Variants in ISM1 observed in about 807,000 individuals in gnomAD.
The protein encoded by ISM1 is isthmin 1.
Under a neutral mutation model 46.3 loss-of-function variants are expected in ISM1, and 25 were observed. That is an observed-to-expected ratio of 0.54 (90% CI 0.39 to 0.75). The LOEUF (loss-of-function observed/expected upper bound fraction) is 0.75. Ranked by LOEUF, ISM1 falls within the 30% of genes least tolerant of loss-of-function variation. ISM1 has a pLI of 0.00. For synonymous variants in ISM1, 255 were observed against 256.7 expected (o/e 0.99, Z 0.06); for missense variants, 536 against 625.4 (o/e 0.86, Z 1.52).
At chr20:13,253,248 C>T (rs191560846) in intron 1 of ISM1, among the ~76,000 whole-genome samples, 1 of 152,250 alleles carries the variant, frequency 6.6e-6, no homozygotes, top group East Asian at 1.9e-4. Flanking sequence ...TCTTATGTCA[C>T]TTGCTCAGTG....
chr20:13,234,058 A>G (rs1568663239), intron 1 of ISM1, among the ~76,000 whole-genome samples: 1 of 152,022 alleles, frequency 6.6e-6, no homozygotes, highest in South Asian at 2.1e-4. Flanking sequence ...CTTTTAGTGT[A>G]CTCATCACCT....
At chr20:13,290,160 G>A (rs527402921) in intron 4 of ISM1, among the ~76,000 whole-genome samples, 7 of 152,254 alleles carry the variant, frequency 4.6e-5, no homozygotes, top group East Asian at 1.9e-4. Context: ...CAACCATTAC[G>A]GTGCTTTTCC....
At chr20:13,236,449 C>A (rs1414949159) in intron 1 of ISM1, among the ~76,000 whole-genome samples, 6 of 152,100 alleles carry the variant, frequency 3.9e-5, no homozygotes, top group Admixed American at 3.9e-4. Context: ...TGATTGGGGA[C>A]ACAACCAAGT....
downstream of ISM1, among the ~76,000 whole-genome samples, chr20:13,301,551 T>C (rs923213927): frequency 1.3e-5 from 2 of 152,194 alleles, no homozygotes; most frequent in Non-Finnish European, 2.9e-5. Flanking sequence ...AGAATATTTA[T>C]ATTTAAGATC....
chr20:13,302,085 A>G (rs549042839), downstream of ISM1, among the ~76,000 whole-genome samples: 129 of 152,334 alleles, frequency 8.5e-4, no homozygotes, highest in African/African-American at 3.1e-3. Context: ...GAGGAACAAG[A>G]GTGGCAAGTT....
chr20:13,252,663 G>C (rs565283410), intron 1 of ISM1, among the ~76,000 whole-genome samples: 1 of 152,228 alleles, frequency 6.6e-6, no homozygotes, highest in East Asian at 1.9e-4. Context: ...GCTGAGGCAG[G>C]AGAATCGCTT....
intron 1 of ISM1, among the ~76,000 whole-genome samples, chr20:13,256,395 C>CAAAAAA (rs559300861): frequency 4.2e-5 from 3 of 71,798 alleles, no homozygotes; most frequent in Non-Finnish European, 5.7e-5. Flanking sequence ...GACCCCGTCT[C>CAAAAAA]AAAAAAAAAA....
At chr20:13,298,745 G>C (rs1350674855) in intron 5 of ISM1, among the ~76,000 whole-genome samples, 197 bp from the exon 6 acceptor site, 4 of 152,136 alleles carry the variant, frequency 2.6e-5, no homozygotes, top group Admixed American at 1.3e-4. Flanking sequence ...CGTGAGAACG[G>C]CCATCCACTT....
intron 1 of ISM1, chr20:13,239,419 G>A (rs2039691191): frequency 6.6e-6 from 1 of 152,212 alleles, no homozygotes; most frequent in Non-Finnish European, 1.5e-5. Flanking sequence ...CATCTGCAGG[G>A]TCCTCCCTGA....
chr20:13,240,763 G>C (rs909553240), intron 1 of ISM1, among the ~76,000 whole-genome samples: 2 of 152,212 alleles, frequency 1.3e-5, no homozygotes, highest in African/African-American at 2.4e-5. Flanking sequence ...GACCAGGGTA[G>C]AGAAGAGTGG....
chr20:13,221,902 A>G lies in ISM1; in HGVS notation c.126A>G (p.Gln42=), dbSNP rs1229186616. 1 of 1,373,378 alleles carries G rather than the reference A, an allele frequency of 7.3e-7. No individual in the cohort carries two copies. Among genetic ancestry groups the G allele is most frequent in the African/African-American group, 1.5e-5 (1 of 65,824 alleles). The allele number at this position is 1,373,378 out of a possible 1,614,324, so 85.1% of individuals were successfully genotyped here. The change falls in exon 1 of 6, where the codon CAA becomes CAG. Residue 42 remains glutamine, a synonymous_variant. Coordinates refer to ENST00000262487, the MANE Select transcript of ISM1 (RefSeq NM_080826.2). ...ACGCGGCCGCGGGCAACGCCAGCCA[A>G]GCCCAGCTGCAGGTGAGTGCGCCGC... is the stretch of plus-strand genomic sequence containing the variant. ...GPDAAAGNAS[Q]AQLQNNLNVG... is the part of the protein sequence containing the mutation.
intron 1 of ISM1, among the ~76,000 whole-genome samples, chr20:13,240,359 G>T (rs2039705527): frequency 6.6e-6 from 1 of 152,178 alleles, no homozygotes; most frequent in African/African-American, 2.4e-5. Flanking sequence ...ACTAAAAGAG[G>T]GTGGTCAAGG....
At chr20:13,239,424 C>T (rs1168760674) in intron 1 of ISM1, 3 of 152,186 alleles carry the variant, frequency 2.0e-5, no homozygotes, top group Admixed American at 6.5e-5. Context: ...GCAGGGTCCT[C>T]CCTGAGATCT....
At position 13,300,255 on chromosome 20, in the gene ISM1, A is replaced by G. The variant is rs1018774402; in HGVS notation, c.*796A>G. The G allele has an allele frequency of 6.6e-6, 1 of 152,230 alleles. No homozygotes were observed. Among genetic ancestry groups the G allele is most frequent in the Non-Finnish European group, 1.5e-5 (1 of 68,046 alleles). 9.4% of individuals were successfully genotyped at this position (152,230 alleles called of 1,614,324 possible). On this transcript the variant is annotated 3_prime_UTR_variant, in exon 6 of 6. Coordinates refer to ENST00000262487, the MANE Select transcript of ISM1 (RefSeq NM_080826.2). ...GCTCATGTCCTAGCAGGTTCAGAAG[A>G]CTGCAGCCAAGTTCAGATGTAAAAA...
intron 5 of ISM1, among the ~76,000 whole-genome samples, chr20:13,296,390 C>T (rs966077437): frequency 1.2e-4 from 19 of 152,144 alleles, no homozygotes; most frequent in South Asian, 2.1e-4. Context: ...AAAACAAATC[C>T]GGACTCAGTA....
the ISM1 span, among the ~76,000 whole-genome samples, chr20:13,320,644 A>C: frequency 3.3e-5 from 5 of 152,176 alleles, no homozygotes; most frequent in African/African-American, 1.2e-4. Flanking sequence ...TCTCATTAAA[A>C]AACAGAAGTT....
In ISM1 at chr20:13,295,080, C is replaced by T. The variant is rs78456338; in HGVS notation, c.877+2617C>T. Among the ~76,000 whole-genome samples, 1,438 of 152,224 alleles carry T rather than the reference C, an allele frequency of 9.4e-3. 24 individuals are homozygous for T. Among genetic ancestry groups the T allele is most frequent in the African/African-American group, 0.033 (1,368 of 41,502 alleles). On this transcript the variant is annotated intron_variant, in intron 5 of 5. Transcript: ENST00000262487. ...CCCCTCACCCTGACCGTGTGATTTCCACCCACACCACCACCAGCCTCCCAG... is the reference window on the plus strand; with the variant it reads ...CCCCTCACCCTGACCGTGTGATTTCTACCCACACCACCACCAGCCTCCCAG...
the ISM1 span, among the ~76,000 whole-genome samples, chr20:13,311,243 T>TAGATAGATAGATAGATGATAGATAGATA: frequency 1.7e-4 from 22 of 127,858 alleles, no homozygotes; most frequent in South Asian, 5.4e-4. Flanking sequence ...GATAGATAGA[T>TAGATAGATAGATAGATGATAGATAGATA]GATAGATAGA....
At chr20:13,279,466 G>A (rs1470424155) in intron 2 of ISM1, among the ~76,000 whole-genome samples, 168 bp from the exon 3 acceptor site, 1 of 152,122 alleles carries the variant, frequency 6.6e-6, no homozygotes, top group East Asian at 1.9e-4. Flanking sequence ...GAATTCTTGT[G>A]GACCATCCCT....
Sources: gnomAD v4.1 joint callset for allele counts (sites outside exome capture counted in the v4.1 genomes callset) on GRCh38, gnomAD v4.1.1 for gene constraint, MANE v1.5 for transcripts, NCBI Gene and HGNC (gene_info 2026-07-23, HGNC 2026-07-21) for gene names.